RPH3AL: variants seen among roughly 807,000 people sequenced by gnomAD.
The protein encoded by RPH3AL is rab effector Noc2.
Under a neutral mutation model 43.1 loss-of-function variants are expected in RPH3AL, and 38 were observed. The ratio of observed to expected loss-of-function variants is 0.88; its 90% CI spans 0.68 to 1.15. The LOEUF is 1.15. Ranked by LOEUF, RPH3AL falls within the 50% of genes most tolerant of loss-of-function variation. RPH3AL has a pLI of 0.00. For missense variants in RPH3AL, 462 were observed against 423.2 expected, an observed-to-expected ratio of 1.09 and a Z score of -0.81; for synonymous variants, 189 against 176.3, an observed-to-expected ratio of 1.07 and a Z score of -0.57.
intron 1 of RPH3AL, among the ~76,000 whole-genome samples, chr17:336,817 C>T (rs565902283): frequency 1.2e-4 from 19 of 152,288 alleles, no homozygotes; most frequent in East Asian, 5.8e-4. Flanking sequence ...GCATTGCAGC[C>T]GCCCAGCCTT....
chr17:312,985 G>A (rs760769230), intron 5 of RPH3AL, among the ~76,000 whole-genome samples: 9 of 152,210 alleles, frequency 5.9e-5, no homozygotes, highest in Admixed American at 2.0e-4. Context: ...CCAGCACTGC[G>A]TGGCATCTGC....
chr17:302,606 G>A (rs996440621), intron 5 of RPH3AL, among the ~76,000 whole-genome samples: 4 of 152,174 alleles, frequency 2.6e-5, no homozygotes, highest in Non-Finnish European at 2.9e-5. Context: ...GATGGGAGGC[G>A]CCCGCCGTCG....
intron 8 of RPH3AL, 131 bp downstream of exon 8, chr17:219,492 C>T (rs1158040043): frequency 7.1e-6 from 4 of 565,050 alleles, no homozygotes; most frequent in East Asian, 3.1e-5. Flanking sequence ...CCACTGTGCC[C>T]GGCCTAATAG....
intron 5 of RPH3AL, among the ~76,000 whole-genome samples, chr17:314,731 T>C (rs1391339868): frequency 0.014 from 2,036 of 141,194 alleles, 47 homozygotes; most frequent in Admixed American, 0.02. Context: ...CACTGACCTG[T>C]AGTCTCTGTG....
At chr17:282,227 G>A (rs936643669) in intron 5 of RPH3AL, among the ~76,000 whole-genome samples, 2 of 152,232 alleles carry the variant, frequency 1.3e-5, no homozygotes, top group South Asian at 2.1e-4. Context: ...CACAGCCGAC[G>A]GCGGTGCTGC....
intron 5 of RPH3AL, among the ~76,000 whole-genome samples, chr17:317,329 A>G (rs1598114420): frequency 1.6e-5 from 2 of 125,336 alleles, no homozygotes; most frequent in African/African-American, 3.4e-5. Context: ...CATGTGCCCC[A>G]CCTCCATTGA....
intron 7 of RPH3AL, among the ~76,000 whole-genome samples, chr17:243,388 A>ACCCTTCCTCTATTGATTC (rs200855584): frequency 1.6e-5 from 1 of 64,006 alleles, no homozygotes. Flanking sequence ...TCTATTGATT[A>ACCCTTCCTCTATTGATTC]CCTTCCTCTA....
Position 247,385 on chromosome 17 carries a change from A to G in RPH3AL, c.439-100T>C, listed in dbSNP as rs1204144129. Reference sequence around the variant, plus strand: ...GGGAGGCAGGACGCGGAGAGCTAGGAGCAGAGTGGGAGTGGGAACTCTGGC... The same window carrying G: ...GGGAGGCAGGACGCGGAGAGCTAGGGGCAGAGTGGGAGTGGGAACTCTGGC... On this transcript the variant is annotated intron_variant, in intron 6 of 9. Coordinates refer to ENST00000331302, the MANE Select transcript of RPH3AL (RefSeq NM_006987.4). 23 of 1,266,346 alleles carry G rather than the reference A, an allele frequency of 1.8e-5. No homozygotes were observed. The East Asian group carries it at 2.0e-4, about 11-fold the overall frequency. 78.4% of individuals were successfully genotyped at this position (1,266,346 alleles called of 1,614,324 possible).
At position 321,275 on chromosome 17, in the gene RPH3AL, A is replaced by C; in HGVS notation, c.218T>G (p.Ile73Ser). 6.2e-7 allele frequency: 1 copy of C among 1,606,524 alleles called. No individual in the cohort carries two copies. The change falls in exon 4 of 10, where the codon ATC becomes AGC. Residue 73 changes from isoleucine to serine, a missense_variant. Physicochemically the swap from Ile to Ser is moderately radical, Grantham distance 142 (BLOSUM62 -2). Transcript: ENST00000331302. ...ERLDVLEQQR[I>S]GRLVERLETM... ...GCTGGCCCCGGCCCCGCCTCACCCGATTCTCTGCTGCTCCAGGACGTCGAG... is the reference window on the plus strand; with the variant it reads ...GCTGGCCCCGGCCCCGCCTCACCCGCTTCTCTGCTGCTCCAGGACGTCGAG...
intron 7 of RPH3AL, among the ~76,000 whole-genome samples, chr17:237,427 C>T (rs1273713636): frequency 3.3e-5 from 5 of 152,166 alleles, no homozygotes; most frequent in Non-Finnish European, 7.3e-5. Context: ...GCCTGCACTC[C>T]CCTCTGGGGA....
At chr17:318,833 C>T (rs1235969316) in intron 5 of RPH3AL, among the ~76,000 whole-genome samples, 8 of 152,140 alleles carry the variant, frequency 5.3e-5, no homozygotes, top group Admixed American at 5.2e-4. Context: ...TTTGAGTAAC[C>T]AGGGATCAAG....
intron 1 of RPH3AL, chr17:349,383 G>C (rs2045310941): frequency 6.6e-6 from 1 of 152,206 alleles, no homozygotes; most frequent in African/African-American, 2.4e-5. Context: ...AGGCTGAGAA[G>C]AGAGGAAAGT....
chr17:311,226 GC>G (rs1161356359), intron 5 of RPH3AL, among the ~76,000 whole-genome samples: 1 of 152,188 alleles, frequency 6.6e-6, no homozygotes, highest in East Asian at 1.9e-4. Context: ...GCTGGAGCAT[GC>G]CCCGTCCCTC....
At chr17:319,362 G>A (rs779012576) in intron 5 of RPH3AL, 58 bp downstream of exon 5, 173 of 1,581,872 alleles carry the variant, frequency 1.1e-4, no homozygotes, top group Middle Eastern at 6.7e-4. Context: ...AAGCCACAGC[G>A]CAGCGGGGCT....
At chr17:320,481 T>A (rs964942064) in intron 4 of RPH3AL, among the ~76,000 whole-genome samples, 1 of 150,644 alleles carries the variant, frequency 6.6e-6, no homozygotes, top group African/African-American at 2.4e-5. Context: ...ACAAAAAAAA[T>A]AAAATAAAAA....
At chr17:303,330 G>A (rs192642867) in intron 5 of RPH3AL, among the ~76,000 whole-genome samples, 1 of 152,206 alleles carries the variant, frequency 6.6e-6, no homozygotes, top group Admixed American at 6.5e-5. Context: ...GGGTGAGGCT[G>A]CCGTGAGCTA....
Position 265,265 on chromosome 17 carries a change from A to C in RPH3AL, c.438+16503T>G, listed in dbSNP as rs141119439. 1.7e-4 allele frequency among the ~76,000 whole-genome samples: 26 copies of C among 152,016 alleles called. No individual in the cohort carries two copies. In the East Asian group the frequency reaches 1.7e-3, roughly 10 times the overall value. ...CCATGCCCAGCTAATTTATTTTTGTAATTTCTTTTTAAGAGAGATGAGATT... is the reference window on the plus strand; with the variant it reads ...CCATGCCCAGCTAATTTATTTTTGTCATTTCTTTTTAAGAGAGATGAGATT... On this transcript the variant is annotated intron_variant, in intron 6 of 9. Transcript: ENST00000331302.
At chr17:292,022 T>A (rs1422985511) in intron 5 of RPH3AL, among the ~76,000 whole-genome samples, 2 of 152,250 alleles carry the variant, frequency 1.3e-5, no homozygotes, top group Admixed American at 1.3e-4. Flanking sequence ...TTGCCCCAAC[T>A]TCATTTTTTG....
intron 3 of RPH3AL, 81 bp from the exon 4 acceptor site, chr17:321,496 C>A (rs776988620): frequency 1.1e-5 from 16 of 1,418,416 alleles, no homozygotes; most frequent in African/African-American, 1.5e-5. Context: ...ACCAAGCCCC[C>A]CCGAGAACAG....
Sources: allele counts gnomAD v4.1 joint callset (sites outside exome capture counted in the v4.1 genomes callset), GRCh38; gene constraint gnomAD v4.1.1; transcripts MANE v1.5; gene names NCBI Gene and HGNC (gene_info 2026-07-23, HGNC 2026-07-21).